RPTOR: variants seen among roughly 807,000 people sequenced by gnomAD.
The protein encoded by RPTOR is regulatory-associated protein of mTOR.
RPTOR carries 21 observed loss-of-function variants against 169.9 expected under a neutral mutation model. That is an observed-to-expected ratio of 0.12 (90% confidence interval 0.09 to 0.18). The LOEUF (loss-of-function observed/expected upper bound fraction) is 0.18. Ranked by LOEUF, RPTOR falls within the 10% of genes least tolerant of loss-of-function variation. RPTOR has a pLI of 1.00. For missense variants in RPTOR, 1,133 were observed against 1,855.9 expected (o/e 0.61, Z 7.16); for synonymous variants, 732 against 753.2 (o/e 0.97, Z 0.46).
intron 12 of RPTOR, among the ~76,000 whole-genome samples, chr17:80,856,833 A>G (rs954764029): frequency 2.6e-5 from 4 of 152,212 alleles, no homozygotes; most frequent in South Asian, 2.1e-4. Context: ...GCTTCTGCTC[A>G]TTGGAAATTT....
Position 80,960,344 on chromosome 17 carries a change from T to A in RPTOR, c.3605+139T>A. The stretch of plus-strand genomic sequence containing the variant: ...TCCCCAGGAGCCTGCAGTGGCGTAT[T>A]TAGGCCAGTCCTGGGCTCCCCAAAG... On this transcript the variant is annotated intron_variant, in intron 30 of 33. Transcript: ENST00000306801. The surrounding 1 kb of genome is among the most constrained non-coding windows in gnomAD (Gnocchi z 4.8). 8.3e-7 allele frequency: 1 copy of A among 1,204,042 alleles called. No individual in the cohort carries two copies. The highest frequency in any genetic ancestry group is 1.2e-6 in the Non-Finnish European group (1 of 860,624). The allele number at this position is 1,204,042 out of a possible 1,614,324, so 74.6% of individuals were successfully genotyped here.
intron 20 of RPTOR, among the ~76,000 whole-genome samples, chr17:80,896,450 A>AG (rs2068403851): frequency 1.5e-5 from 1 of 65,264 alleles, no homozygotes; most frequent in Non-Finnish European, 3.2e-5. Flanking sequence ...GGCCATGCCG[A>AG]CACCCCACAC....
At chr17:80,953,819 C>T (rs769313358) in intron 28 of RPTOR, among the ~76,000 whole-genome samples, 5 of 152,194 alleles carry the variant, frequency 3.3e-5, no homozygotes, top group Non-Finnish European at 5.9e-5. Flanking sequence ...AAGTATGTGC[C>T]CTCCCGCCCG....
At position 80,634,124 on chromosome 17, in the gene RPTOR, G is replaced by A. The variant is rs111286407; in HGVS notation, c.265+8331G>A. On this transcript the variant is annotated intron_variant, in intron 2 of 33. Transcript: ENST00000306801. ...TTGTGTGCGTGTGTGCATACTGTGTGTGTGTGTGCATACTGTGTGCGTGTG... is the reference window on the plus strand; with the variant it reads ...TTGTGTGCGTGTGTGCATACTGTGTATGTGTGTGCATACTGTGTGCGTGTG... Among the ~76,000 whole-genome samples the A allele has an allele frequency of 8.5e-3, 1,290 of 151,422 alleles. 15 individuals are homozygous for A. The highest frequency in any genetic ancestry group is 0.029 in the African/African-American group (1,202 of 41,248).
intron 11 of RPTOR, among the ~76,000 whole-genome samples, chr17:80,848,750 C>T (rs948678963): frequency 5.3e-5 from 8 of 152,208 alleles, no homozygotes; most frequent in Non-Finnish European, 1.2e-4. Flanking sequence ...CAAAGCAGGA[C>T]CCGATGCCAA....
intron 9 of RPTOR, among the ~76,000 whole-genome samples, chr17:80,825,844 G>T (rs539555932): frequency 6.6e-6 from 1 of 152,188 alleles, no homozygotes; most frequent in Admixed American, 6.5e-5. Context: ...AGCAGCCTGC[G>T]GTGTCGTGTC....
At chr17:80,628,545 T>A (rs968742035) in intron 2 of RPTOR, among the ~76,000 whole-genome samples, 2 of 152,234 alleles carry the variant, frequency 1.3e-5, no homozygotes, top group African/African-American at 4.8e-5. Context: ...TTCATTTTTC[T>A]CTGGCAATCT....
At chr17:80,875,014 C>T (rs746550320) in intron 13 of RPTOR, among the ~76,000 whole-genome samples, 3 of 152,198 alleles carry the variant, frequency 2.0e-5, no homozygotes, top group East Asian at 1.9e-4. Flanking sequence ...AGGGTGTTCG[C>T]GTGAAATGGC....
chr17:80,586,362 C>T (rs1320894026), intron 1 of RPTOR, among the ~76,000 whole-genome samples: 1 of 152,158 alleles, frequency 6.6e-6, no homozygotes, highest in Non-Finnish European at 1.5e-5. Flanking sequence ...ATGTAGTAAC[C>T]ACGTCGTGAT....
intron 1 of RPTOR, among the ~76,000 whole-genome samples, chr17:80,567,390 T>C (rs1042093771): frequency 6.6e-6 from 1 of 152,134 alleles, no homozygotes; most frequent in African/African-American, 2.4e-5. Flanking sequence ...ACATGTAATA[T>C]AAGAACCTTA....
At chr17:80,697,020 C>T (rs990787380) in intron 3 of RPTOR, among the ~76,000 whole-genome samples, 1 of 152,200 alleles carries the variant, frequency 6.6e-6, no homozygotes. Context: ...GAGCAAAGGG[C>T]TAGTGTGACA....
At chr17:80,907,551 A>C (rs1163386073) in intron 20 of RPTOR, among the ~76,000 whole-genome samples, 1 of 152,206 alleles carries the variant, frequency 6.6e-6, no homozygotes, top group Admixed American at 6.5e-5. Flanking sequence ...TGGCGTGGAC[A>C]ACAGTTCGGC....
chr17:80,617,704 A>G (rs1258180397), intron 1 of RPTOR, among the ~76,000 whole-genome samples: 1 of 152,162 alleles, frequency 6.6e-6, no homozygotes, highest in Admixed American at 6.5e-5. Flanking sequence ...TGTTTCGGGT[A>G]GAGGCAAATC....
intron 3 of RPTOR, among the ~76,000 whole-genome samples, chr17:80,652,052 C>T (rs545989991): frequency 2.8e-4 from 43 of 151,572 alleles, no homozygotes; most frequent in African/African-American, 7.3e-4. Context: ...TGCCTGTAGT[C>T]CCAGCTATTC....
intron 1 of RPTOR, among the ~76,000 whole-genome samples, chr17:80,552,032 G>C (rs1171902719): frequency 1.3e-5 from 2 of 152,214 alleles, no homozygotes; most frequent in Non-Finnish European, 2.9e-5. Context: ...GTTTCAGAGA[G>C]CACGGGGTTG....
intron 20 of RPTOR, among the ~76,000 whole-genome samples, chr17:80,906,577 C>T (rs755357675): frequency 1.3e-5 from 2 of 152,230 alleles, no homozygotes; most frequent in East Asian, 3.8e-4. Context: ...GCCAGGCACA[C>T]ATGTGTATGG....
Position 80,878,933 on chromosome 17 carries a change from G to A in RPTOR, c.1510-1482G>A, listed in dbSNP as rs2068153142. ...CTCCAGGACGCCCACAGGACCCTCG[G>A]AAGCCCCTTCCTCTAGGGGCCCGTC... On this transcript the variant is annotated intron_variant, in intron 13 of 33. Transcript: ENST00000306801. This position sits in a 1 kb window ranked among gnomAD's most constrained non-coding sequence, Gnocchi z 4.1. Among the ~76,000 whole-genome samples the A allele has an allele frequency of 6.6e-6, 1 of 152,130 alleles. No homozygotes were observed. Among genetic ancestry groups the A allele is most frequent in the East Asian group, 1.9e-4 (1 of 5,180 alleles).
Position 80,924,001 on chromosome 17 carries a change from C to A in RPTOR, c.2808+328C>A, listed in dbSNP as rs1357292124. 4 of 377,702 alleles carry A rather than the reference C, an allele frequency of 1.1e-5. No homozygotes were observed. The East Asian group carries it at 1.9e-4, about 18-fold the overall frequency. The allele number at this position is 377,702 out of a possible 1,614,324, so 23.4% of individuals were successfully genotyped here. A position where few individuals can be genotyped will look rare whatever the true frequency, so the allele number is the denominator to read the frequency against. On this transcript the variant is annotated intron_variant, in intron 23 of 33. Transcript: ENST00000306801. ...TCTGGGCAGCTTCCATGTAACGAAA[C>A]AGGAGCACGGAGTTACCTGGCTCTG...
intron 20 of RPTOR, among the ~76,000 whole-genome samples, chr17:80,896,610 G>A (rs1394348765): frequency 1.3e-5 from 2 of 151,742 alleles, no homozygotes; most frequent in Admixed American, 1.3e-4. Context: ...CCACAGCTGC[G>A]GGGGCAGCAC....
Sources: allele counts gnomAD v4.1 joint callset (sites outside exome capture counted in the v4.1 genomes callset), GRCh38; gene constraint gnomAD v4.1.1; non-coding constraint Gnocchi (gnomAD v3.1); transcripts MANE v1.5; gene names NCBI Gene and HGNC (gene_info 2026-07-23, HGNC 2026-07-21).